Variants in INTS9 observed in about 807,000 individuals in gnomAD.
INTS9 encodes the protein protein related to CPSF subunits of 74 kDa.
A neutral mutation model predicts 79.7 loss-of-function variants in INTS9; 55 were observed. The observed-to-expected ratio is 0.69, with a 90% CI of 0.56 to 0.86. The LOEUF (loss-of-function observed/expected upper bound fraction) is 0.86, where lower values mean the gene tolerates loss of function less well. Ranked by LOEUF, INTS9 falls within the 40% of genes least tolerant of loss-of-function variation. The pLI is 0.00. For synonymous variants in INTS9, 319 were observed against 325.2 expected (o/e 0.98, Z 0.20); for missense variants, 721 against 831.5 (o/e 0.87, Z 1.64).
chr8:28,888,731 T>C (rs1810330383), intron 1 of INTS9, among the ~76,000 whole-genome samples: 1 of 152,162 alleles, frequency 6.6e-6, no homozygotes, highest in Non-Finnish European at 1.5e-5. Flanking sequence ...TATAAACAGA[T>C]TTATACGGGG....
chr8:28,786,677 G>T (rs1803608989), intron 11 of INTS9, among the ~76,000 whole-genome samples: 1 of 152,150 alleles, frequency 6.6e-6, no homozygotes, highest in African/African-American at 2.4e-5. Flanking sequence ...AACTGCGGAG[G>T]CATAGAGTAC....
intron 6 of INTS9, among the ~76,000 whole-genome samples, chr8:28,834,859 T>C (rs1197573267): frequency 6.6e-6 from 1 of 152,178 alleles, no homozygotes; most frequent in Non-Finnish European, 1.5e-5. Flanking sequence ...GCATTTTTCA[T>C]AGAGACGGGG....
intron 8 of INTS9, 95 bp downstream of exon 8, chr8:28,812,232 G>T: frequency 7.9e-7 from 1 of 1,265,642 alleles, no homozygotes; most frequent in Non-Finnish European, 1.1e-6. Context: ...ACCATATTTG[G>T]AAGATTTAAA....
intron 4 of INTS9, among the ~76,000 whole-genome samples, chr8:28,844,805 G>A (rs539817239): frequency 6.6e-6 from 1 of 152,160 alleles, no homozygotes; most frequent in South Asian, 2.1e-4. Context: ...GACAGAGCGA[G>A]ACTCTGTCTC....
chr8:28,838,101 G>GA (rs762403933), intron 4 of INTS9, among the ~76,000 whole-genome samples: 24 of 151,952 alleles, frequency 1.6e-4, no homozygotes, highest in Non-Finnish European at 3.2e-4. Flanking sequence ...GTGAAACCAG[G>GA]AAACTGCAAG....
At chr8:28,793,779 CAA>C (rs67407592) in intron 10 of INTS9, 26 bp downstream of exon 10, 272 of 1,186,346 alleles carry the variant, frequency 2.3e-4, no homozygotes, top group South Asian at 1.1e-3. Context: ...ATAAAATTCA[CAA>C]AAAAAAAAAA....
intron 5 of INTS9, among the ~76,000 whole-genome samples, chr8:28,836,934 T>C (rs1404555171): frequency 2.6e-5 from 4 of 152,228 alleles, no homozygotes; most frequent in African/African-American, 7.2e-5. Context: ...TTTCAACTTA[T>C]ACCGTACTTA....
chr8:28,880,289 C>T (rs1179672482), intron 1 of INTS9, among the ~76,000 whole-genome samples: 1 of 149,214 alleles, frequency 6.7e-6, no homozygotes, highest in East Asian at 2.0e-4. Context: ...TCTCCCTCCA[C>T]GGTCTCCCTC....
intron 14 of INTS9, among the ~76,000 whole-genome samples, chr8:28,772,507 C>T (rs1046383500): frequency 5.9e-5 from 9 of 151,824 alleles, no homozygotes; most frequent in Admixed American, 2.0e-4. Context: ...GGCAAGACTC[C>T]GTCTCAAAAA....
chr8:28,873,045 C>T (rs1045680607), intron 1 of INTS9, among the ~76,000 whole-genome samples: 10 of 151,570 alleles, frequency 6.6e-5, no homozygotes, highest in South Asian at 2.1e-4. Flanking sequence ...TACAGTAATA[C>T]GTATTGATTC....
chr8:28,880,583 T>C (rs1286710562), intron 1 of INTS9, among the ~76,000 whole-genome samples: 5 of 151,194 alleles, frequency 3.3e-5, no homozygotes, highest in Non-Finnish European at 5.9e-5. Flanking sequence ...CAGGCTGGAG[T>C]GCAGCGGCGT....
chr8:28,840,780 T>G (rs1478943008), intron 4 of INTS9, among the ~76,000 whole-genome samples: 1 of 99,876 alleles, frequency 1.0e-5, no homozygotes, highest in East Asian at 3.2e-4. Context: ...CATCACACTC[T>G]GGGGACTGTT....
intron 10 of INTS9, among the ~76,000 whole-genome samples, chr8:28,792,534 T>C (rs1803972725): frequency 7.3e-6 from 1 of 137,762 alleles, no homozygotes; most frequent in Non-Finnish European, 1.6e-5. Context: ...TTACCCTGGA[T>C]TGGATCCCAA....
intron 8 of INTS9, among the ~76,000 whole-genome samples, chr8:28,797,887 CA>C (rs1804311541): frequency 6.6e-6 from 1 of 152,230 alleles, no homozygotes; most frequent in Admixed American, 6.5e-5. Context: ...AGCAAAGTCT[CA>C]ACATCTGCAT....
chr8:28,807,666 G>A (rs1804884973), intron 8 of INTS9, among the ~76,000 whole-genome samples: 1 of 152,126 alleles, frequency 6.6e-6, no homozygotes, highest in African/African-American at 2.4e-5. Context: ...CATTTGATAA[G>A]GTATAACACT....
At chr8:28,834,764 C>G (rs1298514155) in intron 6 of INTS9, among the ~76,000 whole-genome samples, 1 of 151,862 alleles carries the variant, frequency 6.6e-6, no homozygotes, top group Non-Finnish European at 1.5e-5. Flanking sequence ...GAAACCTCTG[C>G]CTCCCGGGTT....
intron 3 of INTS9, among the ~76,000 whole-genome samples, chr8:28,849,057 C>T (rs1807686016): frequency 6.6e-6 from 1 of 152,176 alleles, no homozygotes; most frequent in South Asian, 2.1e-4. Flanking sequence ...GGTGCAGTTA[C>T]AGGAATTAAT....
At chr8:28,775,029 A>T (rs1427239999) in intron 14 of INTS9, among the ~76,000 whole-genome samples, 2 of 152,238 alleles carry the variant, frequency 1.3e-5, no homozygotes, top group Non-Finnish European at 2.9e-5. Flanking sequence ...TAAATAACCA[A>T]GTTTACAATC....
chr8:28,846,815 AG>A lies in INTS9; in HGVS notation c.199-7del. On this transcript the variant is annotated splice_region_variant and splice_polypyrimidine_tract_variant and intron_variant, in intron 3 of 16. Coordinates refer to ENST00000521022, the MANE Select transcript of INTS9 (RefSeq NM_018250.4). Reference sequence around the variant, plus strand: ...CCCGAGCACTCCTTTAGCTCCTAAAAGAAATGAAAAGGAAAAATACAAGGAA... The same window carrying A: ...CCCGAGCACTCCTTTAGCTCCTAAAAAAATGAAAAGGAAAAATACAAGGAA... The A allele has an allele frequency of 6.2e-7, 1 of 1,609,060 alleles. No homozygotes were observed. Among genetic ancestry groups the A allele is most frequent in the Non-Finnish European group, 8.5e-7 (1 of 1,175,418 alleles).
Sources: gnomAD v4.1 joint callset for allele counts (sites outside exome capture counted in the v4.1 genomes callset) on GRCh38, gnomAD v4.1.1 for gene constraint, MANE v1.5 for transcripts, NCBI Gene and HGNC (gene_info 2026-07-23, HGNC 2026-07-21) for gene names.